Variants in TLN2 observed in about 807,000 individuals in gnomAD.
The protein encoded by TLN2 is talin 2.
Under a neutral mutation model 294.7 loss-of-function variants are expected in TLN2, and 118 were observed. The ratio of observed to expected loss-of-function variants is 0.40; its 90% confidence interval spans 0.34 to 0.47. The LOEUF (loss-of-function observed/expected upper bound fraction) is 0.47. TLN2 is among the 20% of genes least tolerant of loss of function. TLN2 has a pLI of 0.84. For synonymous variants in TLN2, 1,431 were observed against 1,304.5 expected (o/e 1.10, Z -2.09); for missense variants, 3,083 against 3,282.2 (o/e 0.94, Z 1.48).
intron 9 of TLN2, among the ~76,000 whole-genome samples, chr15:62,670,722 G>C (rs1052289037): frequency 6.6e-6 from 1 of 152,128 alleles, no homozygotes; most frequent in African/African-American, 2.4e-5. Context: ...GGACTTTTGA[G>C]TTATTATCAT....
intron 1 of TLN2, among the ~76,000 whole-genome samples, chr15:62,583,669 GGTA>G (rs995968502): frequency 2.0e-5 from 3 of 152,092 alleles, no homozygotes; most frequent in African/African-American, 7.2e-5. Flanking sequence ...CATAAAATGA[GGTA>G]GTAGTAGTAT....
rs759897878 is a variant in TLN2, at chr15:62,686,708, G to A, written c.1025G>A (p.Arg342His). The change falls in exon 12 of 59, where the codon CGC becomes CAC. Residue 342 changes from arginine to histidine, a missense_variant. Physicochemically the swap from Arg to His is conservative, Grantham distance 29. Transcript: ENST00000636159. ...GGGATCACCAAAGACTCGGTGATGC[G>A]CGTGGATGAGAAGACCAAGGAAGTG... ...LLGITKDSVMRVDEKTKEVLQ... is the reference protein window; with the variant it reads ...LLGITKDSVMHVDEKTKEVLQ... 8 of 1,613,872 alleles carry A rather than the reference G, an allele frequency of 5.0e-6. No individual in the cohort carries two copies. Among genetic ancestry groups the A allele is most frequent in the Admixed American group, 3.3e-5 (2 of 59,994 alleles).
intron 1 of TLN2, among the ~76,000 whole-genome samples, chr15:62,515,591 T>C (rs1195141411): frequency 2.0e-5 from 3 of 152,226 alleles, no homozygotes; most frequent in African/African-American, 7.2e-5. Context: ...ATACAAGAAA[T>C]TATCCTTAGG....
intron 3 of TLN2, among the ~76,000 whole-genome samples, chr15:62,640,647 C>T (rs2050955238): frequency 1.3e-5 from 2 of 152,122 alleles, no homozygotes; most frequent in Non-Finnish European, 2.9e-5. Context: ...TAAGTGACCT[C>T]CAAGAGAAAC....
intron 1 of TLN2, among the ~76,000 whole-genome samples, chr15:62,533,292 C>T (rs970044484): frequency 4.7e-5 from 7 of 147,600 alleles, no homozygotes; most frequent in South Asian, 2.2e-4. Context: ...ATTCTTGGGC[C>T]CAGGAATGGG....
chr15:62,722,638 C>A, intron 26 of TLN2, 151 bp downstream of exon 26: 1 of 1,020,812 alleles, frequency 9.8e-7, no homozygotes, highest in Non-Finnish European at 1.3e-6. Context: ...TGTGGGTTGG[C>A]TTTTGTTGCA....
chr15:62,622,734 A>ATTTTG (rs1244307493), intron 3 of TLN2, among the ~76,000 whole-genome samples: 2 of 152,062 alleles, frequency 1.3e-5, no homozygotes, highest in Non-Finnish European at 2.9e-5. Context: ...ATATACATTG[A>ATTTTG]TTTTGTTTTG....
intron 1 of TLN2, among the ~76,000 whole-genome samples, chr15:62,482,500 G>T (rs181302365): frequency 0.013 from 1,879 of 148,552 alleles, 40 homozygotes; most frequent in African/African-American, 0.047. Context: ...TACTCAGGAG[G>T]GGGGAGGCAG....
chr15:62,502,255 G>T (rs1278721326), intron 1 of TLN2, among the ~76,000 whole-genome samples: 1 of 152,222 alleles, frequency 6.6e-6, no homozygotes, highest in Non-Finnish European at 1.5e-5. Context: ...GAAAGGCACA[G>T]TAGCTTGAAT....
intron 11 of TLN2, among the ~76,000 whole-genome samples, chr15:62,676,111 C>A (rs1223055484): frequency 6.6e-6 from 1 of 152,142 alleles, no homozygotes; most frequent in Admixed American, 6.5e-5. Context: ...CATCCAGGGA[C>A]TGAAGTAGGA....
intron 19 of TLN2, among the ~76,000 whole-genome samples, chr15:62,703,339 A>G (rs1415452626): frequency 1.3e-5 from 2 of 151,972 alleles, no homozygotes; most frequent in East Asian, 3.9e-4. Flanking sequence ...TGACCTCGTG[A>G]TCTGCCCGTC....
intron 1 of TLN2, among the ~76,000 whole-genome samples, chr15:62,450,630 G>A (rs754700231): frequency 5.3e-5 from 8 of 151,792 alleles, no homozygotes; most frequent in Non-Finnish European, 1.2e-4. Flanking sequence ...GCTGGAGTGC[G>A]GTGGCATGAA....
At chr15:62,480,662 C>T (rs1469046189) in intron 1 of TLN2, among the ~76,000 whole-genome samples, 3 of 152,088 alleles carry the variant, frequency 2.0e-5, no homozygotes, top group Admixed American at 6.5e-5. Context: ...TCTTCATCAC[C>T]CTGGTAAGCT....
At chr15:62,678,009 GGT>G (rs1353733199) in intron 11 of TLN2, among the ~76,000 whole-genome samples, 1 of 151,546 alleles carries the variant, frequency 6.6e-6, no homozygotes, top group Non-Finnish European at 1.5e-5. Context: ...TGGTCAGGCT[GGT>G]CTCGAACTCC....
chr15:62,595,593 G>A (rs1238166644), intron 2 of TLN2, among the ~76,000 whole-genome samples: 5 of 152,122 alleles, frequency 3.3e-5, no homozygotes, highest in African/African-American at 1.2e-4. Context: ...CCAACATGTC[G>A]AAGAGATGTC....
intron 29 of TLN2, among the ~76,000 whole-genome samples, chr15:62,737,691 G>A (rs2061101422): frequency 6.6e-6 from 1 of 152,220 alleles, no homozygotes; most frequent in African/African-American, 2.4e-5. Flanking sequence ...GCAGCTCCAG[G>A]TTGTGCTCAG....
chr15:62,581,772 G>A lies in TLN2; in HGVS notation c.-237-7915G>A, dbSNP rs185653727. 2.1e-3 allele frequency among the ~76,000 whole-genome samples: 324 copies of A among 152,160 alleles called. 1 individual carries two copies. Among genetic ancestry groups the A allele is most frequent in the Middle Eastern group, 0.017 (5 of 294 alleles). ...AAAGAGTGAATAGTGGGCCGGGTGCGGTGGCTCACACCTGTAATCCCAGCA... is the reference window on the plus strand; with the variant it reads ...AAAGAGTGAATAGTGGGCCGGGTGCAGTGGCTCACACCTGTAATCCCAGCA... On this transcript the variant is annotated intron_variant, in intron 1 of 58. Transcript: ENST00000636159.
At position 62,509,933 on chromosome 15, in the gene TLN2, G is replaced by A. The variant is rs77612456; in HGVS notation, c.-237-79754G>A. ...GTCAGAAAAAGAAATATTTAGTTTG[G>A]GGTTTGGATAAGGATATTAGTTTCA... On this transcript the variant is annotated intron_variant, in intron 1 of 58. Coordinates refer to ENST00000636159, the MANE Select transcript of TLN2 (RefSeq NM_015059.3). Among the ~76,000 whole-genome samples the A allele has an allele frequency of 4.6e-3, 708 of 152,290 alleles. 6 individuals are homozygous for A. The highest frequency in any genetic ancestry group is 0.016 in the African/African-American group (672 of 41,560).
In TLN2 at chr15:62,443,140, C is replaced by A. The variant is rs544897800; in HGVS notation, c.-238+52455C>A. On this transcript the variant is annotated intron_variant, in intron 1 of 58. Transcript: ENST00000636159. ...ATCATGTTTGCAAAGTTCCTTTTGC[C>A]ATGTAAGATACCATTCACAGGTTCT... Among the ~76,000 whole-genome samples, 30 of 152,286 alleles carry A rather than the reference C, an allele frequency of 2.0e-4. No homozygotes were observed. In the East Asian group the frequency reaches 5.8e-3, roughly 29 times the overall value.
Sources: allele counts gnomAD v4.1 joint callset (sites outside exome capture counted in the v4.1 genomes callset), GRCh38; gene constraint gnomAD v4.1.1; transcripts MANE v1.5; gene names NCBI Gene and HGNC (gene_info 2026-07-23, HGNC 2026-07-21).